ERBB4: variants seen among roughly 807,000 people sequenced by gnomAD.
ERBB4 encodes the protein receptor tyrosine-protein kinase erbB-4.
A neutral mutation model predicts 158.0 loss-of-function variants in ERBB4; 42 were observed. The ratio of observed to expected loss-of-function variants is 0.27; its 90% confidence interval spans 0.21 to 0.34. ERBB4 has a LOEUF of 0.34. Ranked by LOEUF, ERBB4 falls within the 10% of genes least tolerant of loss-of-function variation. ERBB4 has a pLI of 1.00. For missense variants in ERBB4, 1,333 were observed against 1,624.1 expected (o/e 0.82, Z 3.08); for synonymous variants, 583 against 558.7 (o/e 1.04, Z -0.61).
chr2:211,863,769 C>G (rs2078131447), intron 3 of ERBB4, among the ~76,000 whole-genome samples: 1 of 152,108 alleles, frequency 6.6e-6, no homozygotes, highest in Non-Finnish European at 1.5e-5. Flanking sequence ...TCAGCAAGAC[C>G]AAGAACCCAC....
chr2:211,758,665 C>G (rs770085053), intron 4 of ERBB4, among the ~76,000 whole-genome samples: 3 of 152,098 alleles, frequency 2.0e-5, no homozygotes, highest in Non-Finnish European at 2.9e-5. Context: ...CTTTTTGAAA[C>G]CAATAACAAC....
At chr2:212,224,135 T>C (rs2083394548) in intron 1 of ERBB4, among the ~76,000 whole-genome samples, 2 of 151,946 alleles carry the variant, frequency 1.3e-5, no homozygotes, top group Non-Finnish European at 2.9e-5. Flanking sequence ...AATGCATTTT[T>C]GCTATGATTT....
chr2:212,269,311 T>C (rs986762875), intron 1 of ERBB4, among the ~76,000 whole-genome samples: 2 of 151,806 alleles, frequency 1.3e-5, no homozygotes, highest in Non-Finnish European at 2.9e-5. Flanking sequence ...ATCAGAAATA[T>C]AGGAGAGTAG....
intron 1 of ERBB4, among the ~76,000 whole-genome samples, chr2:212,286,048 G>T (rs2085948671): frequency 6.6e-6 from 1 of 151,984 alleles, no homozygotes; most frequent in African/African-American, 2.4e-5. Flanking sequence ...ATGTCATAAT[G>T]GGCAACATGA....
At chr2:212,240,670 G>GA (rs1482375327) in intron 1 of ERBB4, among the ~76,000 whole-genome samples, 1 of 79,068 alleles carries the variant, frequency 1.3e-5, no homozygotes. Flanking sequence ...AAAAAAAACA[G>GA]AAAAAAAAGA....
At chr2:212,257,707 T>C (rs181261650) in intron 1 of ERBB4, among the ~76,000 whole-genome samples, 5 of 152,300 alleles carry the variant, frequency 3.3e-5, no homozygotes, top group Admixed American at 2.6e-4. Context: ...AACATAAAAT[T>C]CAACTCTCTT....
intron 1 of ERBB4, among the ~76,000 whole-genome samples, chr2:212,462,602 A>C (rs1415838597): frequency 1.3e-5 from 2 of 152,206 alleles, no homozygotes; most frequent in Non-Finnish European, 2.9e-5. Context: ...ATAAAAAATA[A>C]GAAATAATGA....
chr2:211,947,320 A>T, intron 3 of ERBB4, 110 bp downstream of exon 3: 2 of 859,392 alleles, frequency 2.3e-6, no homozygotes, highest in Non-Finnish European at 3.8e-6. Context: ...ACTGATATTT[A>T]AATGCCTTAG....
At chr2:212,133,779 T>C (rs928785127) in intron 1 of ERBB4, among the ~76,000 whole-genome samples, 2 of 151,968 alleles carry the variant, frequency 1.3e-5, no homozygotes, top group Admixed American at 6.6e-5. Flanking sequence ...GGTAACAAAG[T>C]GGGACCCTTT....
chr2:212,336,289 A>G (rs1347995025), intron 1 of ERBB4, among the ~76,000 whole-genome samples: 1 of 152,012 alleles, frequency 6.6e-6, no homozygotes, highest in Non-Finnish European at 1.5e-5. Flanking sequence ...TTTCATTAAG[A>G]AGTCATTATT....
chr2:212,188,221 T>G (rs867690654), intron 1 of ERBB4, among the ~76,000 whole-genome samples: 3 of 33,208 alleles, frequency 9.0e-5, no homozygotes, highest in South Asian at 2.8e-3. Flanking sequence ...TCTCTCTCTC[T>G]CTCTCTCTCT....
intron 3 of ERBB4, among the ~76,000 whole-genome samples, chr2:211,834,064 C>T (rs1161541665): frequency 6.6e-6 from 1 of 152,060 alleles, no homozygotes; most frequent in Admixed American, 6.6e-5. Context: ...AATATGTCAT[C>T]CTTCCGCAAT....
chr2:211,921,564 T>C (rs2079859053), intron 3 of ERBB4, among the ~76,000 whole-genome samples: 1 of 152,112 alleles, frequency 6.6e-6, no homozygotes, highest in Non-Finnish European at 1.5e-5. Context: ...AGAAGGTTTC[T>C]ATTCTCTTAG....
intron 2 of ERBB4, among the ~76,000 whole-genome samples, chr2:212,062,570 A>C (rs1400077060): frequency 6.6e-6 from 1 of 151,696 alleles, no homozygotes; most frequent in Non-Finnish European, 1.5e-5. Context: ...ACCATGCTCA[A>C]CTAATTTTGT....
chr2:212,318,124 A>G (rs1053491718), intron 1 of ERBB4, among the ~76,000 whole-genome samples: 13 of 151,500 alleles, frequency 8.6e-5, no homozygotes, highest in Admixed American at 3.3e-4. Flanking sequence ...AATTCAGTAA[A>G]CTGAGTCTCA....
chr2:212,504,443 G>C (rs13404490), intron 1 of ERBB4, among the ~76,000 whole-genome samples: 198 of 151,154 alleles, frequency 1.3e-3, no homozygotes, highest in African/African-American at 4.5e-3. Context: ...TTAATCTCTA[G>C]AGTAACCATT....
At chr2:212,241,605 A>G (rs1348764500) in intron 1 of ERBB4, among the ~76,000 whole-genome samples, 2 of 152,132 alleles carry the variant, frequency 1.3e-5, no homozygotes, top group African/African-American at 4.8e-5. Context: ...TGCTTTTCCC[A>G]TCATTGGCTT....
chr2:211,453,388 GTTTA>G (rs1028635786), intron 20 of ERBB4, among the ~76,000 whole-genome samples: 6 of 151,952 alleles, frequency 3.9e-5, no homozygotes, highest in African/African-American at 1.4e-4. Context: ...AAAAATTTTG[GTTTA>G]TTTAATTTCA....
intron 4 of ERBB4, among the ~76,000 whole-genome samples, chr2:211,785,439 T>C (rs1480634148): frequency 6.6e-6 from 1 of 152,198 alleles, no homozygotes; most frequent in Non-Finnish European, 1.5e-5. Flanking sequence ...CCCATTTGTC[T>C]ATTTTAGCTT....
Sources: allele counts gnomAD v4.1 joint callset (sites outside exome capture counted in the v4.1 genomes callset), GRCh38; gene constraint gnomAD v4.1.1; transcripts MANE v1.5; gene names NCBI Gene and HGNC (gene_info 2026-07-23, HGNC 2026-07-21).